The following MTMR1 variants were observed in gnomAD, a reference collection of about 807,000 sequenced individuals.
MTMR1 encodes myotubularin related protein 1, also known as phosphatidylinositol-3-phosphate phosphatase MTMR1.
Under a neutral mutation model 51.6 loss-of-function variants are expected in MTMR1, and 17 were observed. That is an observed-to-expected ratio of 0.33 (90% CI 0.23 to 0.49). The LOEUF (loss-of-function observed/expected upper bound fraction) is 0.49, where lower values mean the gene tolerates loss of function less well. Ranked by LOEUF, MTMR1 falls within the 20% of genes least tolerant of loss-of-function variation. The probability of loss-of-function intolerance (pLI) is 0.99; values close to 1 mark genes in which losing one functional copy is unlikely to be tolerated. For missense variants in MTMR1, 386 were observed against 526.9 expected, an observed-to-expected ratio of 0.73 and a Z score of 2.62; for synonymous variants, 201 against 205.6, an observed-to-expected ratio of 0.98 and a Z score of 0.19.
chrX:150,762,548 G>C lies in MTMR1; in HGVS notation c.1858-17G>C, dbSNP rs1603277899. Reference sequence around the variant, plus strand: ...GAGGATGGCCTGATAATGCAGCTTTGTCTCTGCTCCCTCCAGATGCCCATT... The same window carrying C: ...GAGGATGGCCTGATAATGCAGCTTTCTCTCTGCTCCCTCCAGATGCCCATT... On this transcript the variant is annotated splice_polypyrimidine_tract_variant and intron_variant, in intron 15 of 15. Coordinates refer to ENST00000445323, the MANE Select transcript of MTMR1 (RefSeq NM_001306144.3). 3 of 1,210,599 alleles carry C rather than the reference G, an allele frequency of 2.5e-6. No individual in the cohort carries two copies. The East Asian group carries it at 8.9e-5, about 36-fold the overall frequency.
At chrX:150,749,321 G>A (rs1377778323) in intron 13 of MTMR1, among the ~76,000 whole-genome samples, 1 of 112,537 alleles carries the variant, frequency 8.9e-6, no homozygotes, top group African/African-American at 3.2e-5. Context: ...ATCCTGATGT[G>A]ATCATTCTGG....
chrX:150,732,048 G>A (rs2042134188), intron 9 of MTMR1, among the ~76,000 whole-genome samples: 1 of 111,620 alleles, frequency 9.0e-6, no homozygotes, highest in Non-Finnish European at 1.9e-5. Context: ...TGGGAGTAAT[G>A]GTTTGAGCCC....
At chrX:150,742,878 C>G (rs1392450830) in intron 12 of MTMR1, among the ~76,000 whole-genome samples, 2 of 107,482 alleles carry the variant, frequency 1.9e-5, no homozygotes, top group Non-Finnish European at 3.9e-5. Context: ...ATAAGCTAGC[C>G]ACAAAAGGAC....
chrX:150,736,643 C>T lies in MTMR1; in HGVS notation c.1129C>T (p.Leu377Phe). ...TGAAAGTGCTTACCCAAATGCAGAA[C>T]TTGTGTTCTTGGAGATCCACAACAT... ...ESESAYPNAE[L>F]VFLEIHNIHV... is the part of the protein sequence containing the mutation. Residue 377 changes from leucine to phenylalanine, a missense_variant, in exon 11 of 16, where the codon CTT becomes TTT. Physicochemically the swap from Leu to Phe is conservative, Grantham distance 22. Coordinates refer to ENST00000445323, the MANE Select transcript of MTMR1 (RefSeq NM_001306144.3). 8.3e-7 allele frequency: 1 copy of T among 1,210,991 alleles called. No individual in the cohort carries two copies. Among genetic ancestry groups the T allele is most frequent in the Non-Finnish European group, 1.1e-6 (1 of 895,059 alleles).
chrX:150,695,191 CAGGGAGGGAGCTAGGGAGAGACAAGTA>C (rs1313039176), intron 1 of MTMR1, among the ~76,000 whole-genome samples: 1 of 111,932 alleles, frequency 8.9e-6, no homozygotes, highest in African/African-American at 3.3e-5. Context: ...GTGTCACTAG[CAGGGAGGGAGCTAGGGAGAGACAAGTA>C]AGGGATGACG....
chrX:150,742,834 A>AAAAAAG (rs1557417357), intron 12 of MTMR1, among the ~76,000 whole-genome samples: 7 of 101,883 alleles, frequency 6.9e-5, no homozygotes, highest in African/African-American at 2.0e-4. Flanking sequence ...AAAAAAAAAA[A>AAAAAAG]AAAGAAAGAA....
intron 4 of MTMR1, among the ~76,000 whole-genome samples, chrX:150,723,941 G>A (rs782010287): frequency 1.3e-4 from 15 of 112,137 alleles, no homozygotes; most frequent in African/African-American, 4.5e-4. Context: ...GCAAAATTCC[G>A]TGGTGTATAT....
chrX:150,701,031 T>C (rs1410594625), intron 2 of MTMR1, among the ~76,000 whole-genome samples: 1 of 112,405 alleles, frequency 8.9e-6, no homozygotes, highest in Non-Finnish European at 1.9e-5. Context: ...GCTTTCTTTC[T>C]TTTGGAAATT....
intron 2 of MTMR1, among the ~76,000 whole-genome samples, chrX:150,709,692 G>A (rs1010679882): frequency 5.4e-5 from 6 of 111,736 alleles, no homozygotes; most frequent in African/African-American, 2.0e-4. Flanking sequence ...AGATGCTGAC[G>A]TCTCACATGG....
chrX:150,693,566 C>A lies in MTMR1; in HGVS notation c.36C>A (p.Cys12Ter). 2 of 760,742 alleles carry A rather than the reference C, an allele frequency of 2.6e-6. No individual in the cohort carries two copies. Among genetic ancestry groups the A allele is most frequent in the Non-Finnish European group, 3.1e-6 (2 of 644,382 alleles). The allele number at this position is 760,742 out of a possible 1,213,427, so 62.7% of individuals were successfully genotyped here. ...DRPAAAAAAG[C>*]EGGGGPNPGP... is the part of the protein sequence containing the mutation. ...CGGCGGCGGCGGCGGCGGCGGGCTG[C>A]GAGGGCGGCGGGGGCCCGAACCCGG... The change falls in exon 1 of 16, where the codon TGC (cysteine) becomes TGA (stop). Residue 12 changes from cysteine (C) to a stop codon, truncating the protein, a stop_gained. Coordinates refer to ENST00000445323, the MANE Select transcript of MTMR1 (RefSeq NM_001306144.3). LOFTEE classifies it high-confidence loss of function.
chrX:150,713,981 C>A (rs1169248209), intron 3 of MTMR1, among the ~76,000 whole-genome samples: 1 of 111,562 alleles, frequency 9.0e-6, no homozygotes. Flanking sequence ...GTGATATATG[C>A]ATGTGTGCAG....
At position 150,730,525 on chromosome X, in the gene MTMR1, G is replaced by A. The variant is rs1557416953; in HGVS notation, c.658G>A (p.Ala220Thr). 5 of 1,152,267 alleles carry A rather than the reference G, an allele frequency of 4.3e-6. No individual in the cohort carries two copies. The highest frequency in any genetic ancestry group is 2.1e-5 in the South Asian group (1 of 47,465). 95.0% of individuals were successfully genotyped at this position (1,152,267 alleles called of 1,213,427 possible). ...TGTGTTTTGTGGTTTTTGTGTCCAG[G>A]CACTATTTGCATTCAGCTATAAAGA... ...KHAFPLSNGQ[A>T]LFAFSYKEKF... The change falls in exon 8 of 16, where the codon GCA (alanine) becomes ACA (threonine). Residue 220 changes from alanine to threonine, a missense_variant and splice_region_variant. Transcript: ENST00000445323.
chrX:150,699,907 GT>G (rs1463643061), intron 2 of MTMR1, among the ~76,000 whole-genome samples: 1 of 112,515 alleles, frequency 8.9e-6, no homozygotes, highest in African/African-American at 3.2e-5. Context: ...GAGCATAACA[GT>G]TGCTCAATAA....
intron 2 of MTMR1, among the ~76,000 whole-genome samples, chrX:150,704,785 A>G (rs889720375): frequency 8.9e-6 from 1 of 112,091 alleles, no homozygotes; most frequent in Non-Finnish European, 1.9e-5. Context: ...AAGGGTTTGA[A>G]TAAGATCCAG....
chrX:150,764,282 C>A lies in MTMR1; in HGVS notation c.*1553C>A, dbSNP rs189468726. Reference sequence around the variant, plus strand: ...TTAACTGGGAACCTCCTGATTCTTACGGAAAATTATCCTTCTATAAGAAGA... The same window carrying A: ...TTAACTGGGAACCTCCTGATTCTTAAGGAAAATTATCCTTCTATAAGAAGA... On this transcript the variant is annotated 3_prime_UTR_variant, in exon 16 of 16. Coordinates refer to ENST00000445323, the MANE Select transcript of MTMR1 (RefSeq NM_001306144.3). The A allele has an allele frequency of 8.9e-6, 1 of 112,090 alleles. No homozygotes were observed. The highest frequency in any genetic ancestry group is 1.9e-5 in the Non-Finnish European group (1 of 53,258). The allele number at this position is 112,090 out of a possible 1,213,427, so 9.2% of individuals were successfully genotyped here.
rs1161740812 is a variant in MTMR1, at chrX:150,718,583, CCTTTTTTTTTTTTTTTTTT to C, written c.277-41_277-23del. 651 of 351,104 alleles carry C rather than the reference CCTTTTTTTTTTTTTTTTTT, an allele frequency of 1.9e-3. 2 individuals carry two copies. Among genetic ancestry groups the C allele is most frequent in the South Asian group, 4.0e-3 (28 of 7,061 alleles). 28.9% of individuals were successfully genotyped at this position (351,104 alleles called of 1,213,427 possible). ...AGTGAGATTTACTCCCGTTTGGTGTCCTTTTTTTTTTTTTTTTTTTTTTTTTTTTTTTTTTTGCCAGGCT... is the reference window on the plus strand; with the variant it reads ...AGTGAGATTTACTCCCGTTTGGTGTCTTTTTTTTTTTTTTTTTGCCAGGCT... On this transcript the variant is annotated intron_variant, in intron 3 of 15. Transcript: ENST00000445323.
Position 150,698,611 on chromosome X carries a change from T to G in MTMR1, c.147-584T>G, listed in dbSNP as rs181835585. Among the ~76,000 whole-genome samples, 576 of 107,397 alleles carry G rather than the reference T, an allele frequency of 5.4e-3. 7 individuals carry two copies. The highest frequency in any genetic ancestry group is 0.018 in the African/African-American group (539 of 29,199). 93.3% of individuals were successfully genotyped at this position (107,397 alleles called of 115,157 possible). A position where few individuals can be genotyped will look rare whatever the true frequency, so the allele number is the denominator to read the frequency against. ...TAGCACTTTGGGAGGCTAAGGCGGG[T>G]GGGTCACTCGAGCCCAGGAATTCGA... On this transcript the variant is annotated intron_variant, in intron 1 of 15. Coordinates refer to ENST00000445323, the MANE Select transcript of MTMR1 (RefSeq NM_001306144.3).
At chrX:150,757,854 C>T (rs1347497894) in intron 15 of MTMR1, among the ~76,000 whole-genome samples, 3 of 111,271 alleles carry the variant, frequency 2.7e-5, no homozygotes, top group African/African-American at 9.8e-5. Flanking sequence ...AGTGCTCTGG[C>T]GGCCCTATGT....
At chrX:150,736,465 C>T in intron 10 of MTMR1, 130 bp from the exon 11 acceptor site, 1 of 568,180 alleles carries the variant, frequency 1.8e-6, no homozygotes, top group Non-Finnish European at 2.7e-6. Context: ...CTAGGAAACT[C>T]ATACAAGGAT....
Sources: gnomAD v4.1 joint callset for allele counts (sites outside exome capture counted in the v4.1 genomes callset) on GRCh38, gnomAD v4.1.1 for gene constraint, MANE v1.5 for transcripts, NCBI Gene and HGNC (gene_info 2026-07-23, HGNC 2026-07-21) for gene names.